Variants in HGF observed in about 807,000 individuals in gnomAD.
The protein encoded by HGF is hepatocyte growth factor, also known as fibroblast-derived tumor cytotoxic factor.
In HGF, 39 loss-of-function variants were observed where a neutral mutation model predicts 111.6. That is an observed-to-expected ratio of 0.35 (90% CI 0.27 to 0.46). The LOEUF (loss-of-function observed/expected upper bound fraction) is 0.46, where lower values mean the gene tolerates loss of function less well. Ranked by LOEUF, HGF falls within the 20% of genes least tolerant of loss-of-function variation. The probability of loss-of-function intolerance (pLI) is 1.00; values close to 1 mark genes in which losing one functional copy is unlikely to be tolerated. For synonymous variants in HGF, 285 were observed against 294.8 expected (o/e 0.97, Z 0.34); for missense variants, 735 against 910.5 (o/e 0.81, Z 2.48).
At chr7:81,744,539 T>C (rs1788149397) in intron 6 of HGF, among the ~76,000 whole-genome samples, 1 of 152,204 alleles carries the variant, frequency 6.6e-6, no homozygotes, top group Non-Finnish European at 1.5e-5. Context: ...CTGAAGATGC[T>C]GCTCCAGAAG....
chr7:81,711,592 A>C lies in HGF; in HGVS notation c.1406-73T>G, dbSNP rs376847312. On this transcript the variant is annotated intron_variant, in intron 11 of 17. Coordinates refer to ENST00000222390, the MANE Select transcript of HGF (RefSeq NM_000601.6). Reference sequence around the variant, plus strand: ...ATCTGTTATATAAAACCAAATATATATTAAAATCCAAGTATCAATGAATTC... The same window carrying C: ...ATCTGTTATATAAAACCAAATATATCTTAAAATCCAAGTATCAATGAATTC... 21 of 651,634 alleles carry C rather than the reference A, an allele frequency of 3.2e-5. No individual in the cohort carries two copies. The East Asian group carries it at 5.3e-4, about 16-fold the overall frequency. The allele number at this position is 651,634 out of a possible 1,614,324, so 40.4% of individuals were successfully genotyped here. A position where few individuals can be genotyped will look rare whatever the true frequency, so the allele number is the denominator to read the frequency against.
intron 7 of HGF, among the ~76,000 whole-genome samples, 193 bp downstream of exon 7, chr7:81,743,160 A>G (rs926060297): frequency 3.9e-5 from 6 of 152,200 alleles, no homozygotes; most frequent in Non-Finnish European, 5.9e-5. Flanking sequence ...TTGCATATTT[A>G]TCACAGTCAA....
chr7:81,752,295 G>C (rs2116125267), intron 4 of HGF, 33 bp from the exon 5 acceptor site: 1 of 1,604,610 alleles, frequency 6.2e-7, no homozygotes, highest in Non-Finnish European at 8.5e-7. Flanking sequence ...TACAGTATAA[G>C]AGCATGCAAC....
chr7:81,714,133 G>A (rs1455056636), intron 11 of HGF, among the ~76,000 whole-genome samples: 2 of 151,638 alleles, frequency 1.3e-5, no homozygotes, highest in East Asian at 3.9e-4. Flanking sequence ...CGAACATCAT[G>A]TATTTCTCCA....
chr7:81,736,877 T>C, intron 7 of HGF: 1 of 363,872 alleles, frequency 2.7e-6, no homozygotes, highest in Non-Finnish European at 5.3e-6. Flanking sequence ...GAAGGGTTTT[T>C]AATTTATGTG....
chr7:81,699,711 G>T lies in HGF; in HGVS notation c.*2870C>A, dbSNP rs1017554844. 1 of 151,556 alleles carries T rather than the reference G, an allele frequency of 6.6e-6. No homozygotes were observed. Among genetic ancestry groups the T allele is most frequent in the Non-Finnish European group, 1.5e-5 (1 of 67,680 alleles). 9.4% of individuals were successfully genotyped at this position (151,556 alleles called of 1,614,324 possible). ...ATGTTGTGGCTATAACATTCACTTT[G>T]TACAGTACCATTGGTACCAACAAGA... On this transcript the variant is annotated 3_prime_UTR_variant, in exon 18 of 18. Transcript: ENST00000222390.
Position 81,745,438 on chromosome 7 carries a change from G to A in HGF, c.626-318C>T, listed in dbSNP as rs5745665. Among the ~76,000 whole-genome samples, 1,467 of 152,228 alleles carry A rather than the reference G, an allele frequency of 9.6e-3. 22 individuals are homozygous for A. Among genetic ancestry groups the A allele is most frequent in the African/African-American group, 0.034 (1,404 of 41,524 alleles). On this transcript the variant is annotated intron_variant, in intron 5 of 17. Coordinates refer to ENST00000222390, the MANE Select transcript of HGF (RefSeq NM_000601.6). ...AATGGAAATAAAAGACAGATCCTTG[G>A]AAATTTTTCCCGTGTTGGTCTAAAA...
rs77730658 is a variant in HGF at position 81,710,395 on chromosome 7, C to T, written c.1445-152G>A. On this transcript the variant is annotated intron_variant, in intron 12 of 17. Transcript: ENST00000222390. Reference sequence around the variant, plus strand: ...TGGTGAAAGAGAAGTTTAATATGACCGCAGCATTATATTAAGTCCTTAACA... The same window carrying T: ...TGGTGAAAGAGAAGTTTAATATGACTGCAGCATTATATTAAGTCCTTAACA... The T allele has an allele frequency of 1.2e-3, 779 of 666,698 alleles. 7 individuals are homozygous for T. The African/African-American group carries it at 0.012, about 10-fold the overall frequency. The allele number at this position is 666,698 out of a possible 1,614,324, so 41.3% of individuals were successfully genotyped here. A position where few individuals can be genotyped will look rare whatever the true frequency, so the allele number is the denominator to read the frequency against.
intron 15 of HGF, 117 bp from the exon 16 acceptor site, chr7:81,705,870 T>TA (rs59876148): frequency 4.8e-3 from 2,554 of 536,162 alleles, no homozygotes; most frequent in Middle Eastern, 6.5e-3. Context: ...TCCTGTTTCT[T>TA]AAAAAAAAAA....
chr7:81,742,873 G>T, intron 7 of HGF: 1 of 1,607,662 alleles, frequency 6.2e-7, no homozygotes, highest in Non-Finnish European at 8.5e-7. Context: ...ACTTCTATTA[G>T]ACTCATTATT....
At chr7:81,715,057 A>T (rs1789673508) in intron 11 of HGF, among the ~76,000 whole-genome samples, 1 of 152,108 alleles carries the variant, frequency 6.6e-6, no homozygotes, top group Non-Finnish European at 1.5e-5. Context: ...CTTGTAAATT[A>T]TTAGAGTCCT....
At chr7:81,758,023 A>G (rs1788869985) in intron 3 of HGF, among the ~76,000 whole-genome samples, 1 of 152,172 alleles carries the variant, frequency 6.6e-6, no homozygotes, top group South Asian at 2.1e-4. Context: ...ACTTGAAAAC[A>G]TCTATATATT....
At chr7:81,702,888 A>G (rs768972042) in intron 17 of HGF, 131 bp from the exon 18 acceptor site, 220 of 761,878 alleles carry the variant, frequency 2.9e-4, no homozygotes, top group Non-Finnish European at 4.2e-4. Context: ...AAATATGAAG[A>G]TATAAAAATT....
At chr7:81,762,919 T>TTA in intron 1 of HGF, 47 bp from the exon 2 acceptor site, 1 of 1,115,730 alleles carries the variant, frequency 9.0e-7, no homozygotes, top group Non-Finnish European at 1.3e-6. Context: ...GGAGAAATGT[T>TTA]TTTAAGGCTC....
intron 15 of HGF, 103 bp from the exon 16 acceptor site, chr7:81,705,856 GA>G: frequency 1.5e-6 from 1 of 655,166 alleles, no homozygotes; most frequent in East Asian, 2.9e-5. Flanking sequence ...TACAGAGAAT[GA>G]AGTCCTGTTT....
chr7:81,706,340 G>A lies in HGF; in HGVS notation c.1704C>T (p.Ser568=), dbSNP rs138548003. The change falls in exon 15 of 18, where the codon TCC becomes TCT. Residue 568 remains serine, a synonymous_variant. Transcript: ENST00000222390. ...ATCCTTCAGGGCCATATACCAGCTG[G>A]GAAACATTGAGAACCTGTTTGCATT... ...DEKCKQVLNV[S]QLVYGPEGSD... 4.7e-5 allele frequency: 76 copies of A among 1,612,428 alleles called. No individual in the cohort carries two copies. In the African/African-American group the frequency reaches 8.7e-4, roughly 18 times the overall value.
chr7:81,710,183 CG>C lies in HGF; in HGVS notation c.1504del (p.Arg502GlufsTer4), dbSNP rs748881407. The part of the protein sequence containing the change: ...QLRVVNGIPT[R>X]TNIGWMVSLR... Reference sequence around the variant, plus strand: ...ACTAACCATCCATCCTATGTTTGTTCGTGTTGGAATCCCATTTACAACTCGC... The same window carrying C: ...ACTAACCATCCATCCTATGTTTGTTCTGTTGGAATCCCATTTACAACTCGC... On this transcript the variant is annotated frameshift_variant, in exon 13 of 18. Transcript: ENST00000222390. LOFTEE classifies it high-confidence loss of function. 6.2e-7 allele frequency: 1 copy of C among 1,613,006 alleles called. No homozygotes were observed. The highest frequency in any genetic ancestry group is 8.5e-7 in the Non-Finnish European group (1 of 1,179,090).
chr7:81,709,673 T>C (rs1482352468), intron 13 of HGF, among the ~76,000 whole-genome samples: 2 of 152,236 alleles, frequency 1.3e-5, no homozygotes, highest in African/African-American at 4.8e-5. Context: ...GATAAAATGC[T>C]CTAGAATTTA....
intron 14 of HGF, among the ~76,000 whole-genome samples, 170 bp downstream of exon 14, chr7:81,707,120 A>C (rs1040033247): frequency 2.0e-5 from 3 of 152,086 alleles, no homozygotes; most frequent in Non-Finnish European, 4.4e-5. Flanking sequence ...TCTTGTAAAT[A>C]TCTGTGAAGT....
Sources: allele counts gnomAD v4.1 joint callset (sites outside exome capture counted in the v4.1 genomes callset), GRCh38; gene constraint gnomAD v4.1.1; transcripts MANE v1.5; gene names NCBI Gene and HGNC (gene_info 2026-07-23, HGNC 2026-07-21).